Variants in KCNT2 observed in about 807,000 individuals in gnomAD.
KCNT2 encodes the protein potassium channel subfamily T member 2.
In KCNT2, 67 loss-of-function variants were observed where a neutral mutation model predicts 153.8. The observed-to-expected ratio is 0.44, with a 90% CI of 0.36 to 0.53. The LOEUF (loss-of-function observed/expected upper bound fraction) is 0.53. Ranked by LOEUF, KCNT2 falls within the 20% of genes least tolerant of loss-of-function variation. The pLI, the probability that KCNT2 is intolerant of heterozygous loss-of-function variation, is 0.00. For synonymous variants in KCNT2, 500 were observed against 458.8 expected, an observed-to-expected ratio of 1.09 and a Z score of -1.15; for missense variants, 975 against 1,354.8, an observed-to-expected ratio of 0.72 and a Z score of 4.40.
chr1:196,493,067 A>G (rs1487825797), intron 1 of KCNT2, among the ~76,000 whole-genome samples: 2 of 152,296 alleles, frequency 1.3e-5, no homozygotes, highest in African/African-American at 2.4e-5. Context: ...ATTCTAGCAA[A>G]CAGTCTCCCT....
chr1:196,430,142 CTT>C (rs1332233113), intron 8 of KCNT2, among the ~76,000 whole-genome samples: 7 of 151,686 alleles, frequency 4.6e-5, no homozygotes. Context: ...TTTTGAGACT[CTT>C]TTTCTTTTTT....
intron 12 of KCNT2, among the ~76,000 whole-genome samples, chr1:196,407,491 G>T (rs559246970): frequency 2.6e-5 from 4 of 151,364 alleles, no homozygotes; most frequent in African/African-American, 9.7e-5. Flanking sequence ...CTAACCACTG[G>T]GTTGACTAAA....
intron 21 of KCNT2, among the ~76,000 whole-genome samples, chr1:196,308,981 G>A (rs1661900353): frequency 6.6e-6 from 1 of 151,818 alleles, no homozygotes; most frequent in Non-Finnish European, 1.5e-5. Flanking sequence ...AACACATAAA[G>A]TAAGATTCCT....
At chr1:196,529,433 A>C (rs1209103072) in intron 1 of KCNT2, among the ~76,000 whole-genome samples, 1 of 152,116 alleles carries the variant, frequency 6.6e-6, no homozygotes, top group Non-Finnish European at 1.5e-5. Flanking sequence ...GAAGTCGTGG[A>C]AAAGGTACAA....
At chr1:196,508,189 C>CAAAAAAAAAAAAAAAAAAAAAAAATATAA in intron 1 of KCNT2, among the ~76,000 whole-genome samples, 1 of 59,984 alleles carries the variant, frequency 1.7e-5, no homozygotes, top group Non-Finnish European at 3.0e-5. Context: ...CCCTAAGTAG[C>CAAAAAAAAAAAAAAAAAAAAAAAATATAA]AAAAAAAAAA....
chr1:196,249,810 C>G (rs1410064915), intron 26 of KCNT2, among the ~76,000 whole-genome samples: 1 of 151,286 alleles, frequency 6.6e-6, no homozygotes, highest in Non-Finnish European at 1.5e-5. Flanking sequence ...TATATGCCAA[C>G]AGTGAACAAT....
intron 14 of KCNT2, among the ~76,000 whole-genome samples, chr1:196,354,425 A>C (rs989987042): frequency 1.3e-5 from 2 of 151,780 alleles, no homozygotes; most frequent in Non-Finnish European, 2.9e-5. Flanking sequence ...TTTATTATCA[A>C]ACTAAGTTAT....
intron 10 of KCNT2, among the ~76,000 whole-genome samples, chr1:196,427,467 T>G (rs543827923): frequency 1.3e-5 from 2 of 152,046 alleles, no homozygotes; most frequent in Non-Finnish European, 2.9e-5. Flanking sequence ...CTAAGTGCAG[T>G]AAGCAGGAAA....
At chr1:196,394,055 T>C (rs909345624) in intron 13 of KCNT2, among the ~76,000 whole-genome samples, 3 of 151,430 alleles carry the variant, frequency 2.0e-5, no homozygotes, top group Non-Finnish European at 4.4e-5. Flanking sequence ...CACGCTAACA[T>C]CTGAATTTTG....
chr1:196,340,252 T>G (rs574269773), intron 16 of KCNT2, 89 bp downstream of exon 16: 1 of 852,394 alleles, frequency 1.2e-6, no homozygotes, highest in African/African-American at 1.7e-5. Context: ...TTCTTTAAAC[T>G]TTTAATAAAA....
rs553056753 is a variant in KCNT2, at chr1:196,571,364, G to A, written c.95+36851C>T. ...AGATATTCTAAAGGAGAAAGAATGAGAGAGGTAAGGCTATCTTCAGAAAAC... is the reference window on the plus strand; with the variant it reads ...AGATATTCTAAAGGAGAAAGAATGAAAGAGGTAAGGCTATCTTCAGAAAAC... On this transcript the variant is annotated intron_variant, in intron 1 of 27. Transcript: ENST00000294725. 7.2e-5 allele frequency among the ~76,000 whole-genome samples: 11 copies of A among 152,184 alleles called. No individual in the cohort carries two copies. In the South Asian group the frequency reaches 2.3e-3, roughly 32 times the overall value.
intron 26 of KCNT2, among the ~76,000 whole-genome samples, chr1:196,247,455 T>A (rs1462304494): frequency 6.6e-6 from 1 of 152,126 alleles, no homozygotes; most frequent in Non-Finnish European, 1.5e-5. Context: ...GCAAAACATT[T>A]TGTATTAGTT....
intron 22 of KCNT2, 122 bp from the exon 23 acceptor site, chr1:196,285,880 G>A: frequency 1.6e-6 from 1 of 625,564 alleles, no homozygotes; most frequent in Non-Finnish European, 2.9e-6. Flanking sequence ...CTATAAATGT[G>A]TCATTACTTC....
At chr1:196,478,703 T>C (rs1678750933) in intron 5 of KCNT2, among the ~76,000 whole-genome samples, 1 of 152,172 alleles carries the variant, frequency 6.6e-6, no homozygotes, top group Non-Finnish European at 1.5e-5. Flanking sequence ...CTCCCCTTTC[T>C]TGACTGTAAA....
intron 18 of KCNT2, 88 bp downstream of exon 18, chr1:196,331,068 C>A: frequency 1.3e-6 from 1 of 759,430 alleles, no homozygotes; most frequent in Admixed American, 2.1e-5. Context: ...ATATTGTAAT[C>A]AAAATGCTGT....
chr1:196,297,200 A>C (rs944702756), intron 22 of KCNT2, among the ~76,000 whole-genome samples: 4 of 151,958 alleles, frequency 2.6e-5, no homozygotes, highest in Non-Finnish European at 4.4e-5. Flanking sequence ...AAGAATAATA[A>C]ATAGTTAACT....
In KCNT2 at chr1:196,321,548, A is replaced by T. The variant is rs1572031340; in HGVS notation, c.2277-1993T>A. Among the ~76,000 whole-genome samples, 3 of 151,968 alleles carry T rather than the reference A, an allele frequency of 2.0e-5. No individual in the cohort carries two copies. The South Asian group carries it at 6.2e-4, about 31-fold the overall frequency. On this transcript the variant is annotated intron_variant, in intron 19 of 27. Transcript: ENST00000294725. ...ACATGCAATTCTACCACAAATATGT[A>T]CTTACAATGGGCAAGCAATGTGCCA... is the stretch of plus-strand genomic sequence containing the variant.
At chr1:196,495,280 G>C (rs1326508655) in intron 1 of KCNT2, among the ~76,000 whole-genome samples, 3 of 149,562 alleles carry the variant, frequency 2.0e-5, no homozygotes, top group African/African-American at 7.4e-5. Context: ...TTTTTAATTT[G>C]ATTTAATGAT....
intron 27 of KCNT2, among the ~76,000 whole-genome samples, chr1:196,234,343 C>T (rs1019761272): frequency 5.3e-5 from 8 of 150,848 alleles, no homozygotes; most frequent in East Asian, 1.9e-4. Flanking sequence ...GATGAAACAA[C>T]ATTTTTTTTT....
Sources: gnomAD v4.1 joint callset for allele counts (sites outside exome capture counted in the v4.1 genomes callset) on GRCh38, gnomAD v4.1.1 for gene constraint, MANE v1.5 for transcripts, NCBI Gene and HGNC (gene_info 2026-07-23, HGNC 2026-07-21) for gene names.